NIBAN1: variants seen among roughly 807,000 people sequenced by gnomAD.
The protein encoded by NIBAN1 is niban apoptosis regulator 1.
NIBAN1 carries 81 observed loss-of-function variants against 75.1 expected under a neutral mutation model. That is an observed-to-expected ratio of 1.08 (90% confidence interval 0.90 to 1.30). The LOEUF (loss-of-function observed/expected upper bound fraction) is 1.30, where lower values mean the gene tolerates loss of function less well. Among genes scored for constraint, NIBAN1 ranks in the 50% most tolerant of loss-of-function variants. The pLI is 0.00. For missense variants in NIBAN1, 1,133 were observed against 1,128.1 expected, an observed-to-expected ratio of 1.00 and a Z score of -0.06; for synonymous variants, 436 against 424.8, an observed-to-expected ratio of 1.03 and a Z score of -0.32.
intron 5 of NIBAN1, among the ~76,000 whole-genome samples, chr1:184,861,697 GA>G (rs1655820115): frequency 2.1e-5 from 3 of 144,720 alleles, no homozygotes; most frequent in African/African-American, 7.7e-5. Flanking sequence ...GTGAGGGAAG[GA>G]AAGAAGGAAG....
At chr1:184,904,814 G>T (rs1354770650) in intron 1 of NIBAN1, among the ~76,000 whole-genome samples, 1 of 152,122 alleles carries the variant, frequency 6.6e-6, no homozygotes, top group Non-Finnish European at 1.5e-5. Context: ...AGCCGGGTGT[G>T]GTGGTGCACA....
chr1:184,867,856 A>G (rs904484469), intron 5 of NIBAN1: 2 of 985,202 alleles, frequency 2.0e-6, no homozygotes, highest in African/African-American at 3.5e-5. Context: ...GACACAGTAG[A>G]CCCTTACCTT....
At chr1:184,884,020 T>C (rs1264267583) in intron 5 of NIBAN1, among the ~76,000 whole-genome samples, 1 of 152,118 alleles carries the variant, frequency 6.6e-6, no homozygotes, top group Non-Finnish European at 1.5e-5. Context: ...ATATGCAAAA[T>C]GGTCTACATG....
intron 1 of NIBAN1, among the ~76,000 whole-genome samples, chr1:184,961,694 CA>C (rs756025988): frequency 1.3e-5 from 2 of 152,136 alleles, no homozygotes; most frequent in Non-Finnish European, 2.9e-5. Context: ...TTGGTCTAAC[CA>C]AATCATGATA....
chr1:184,947,629 C>T (rs1230933507), intron 1 of NIBAN1, among the ~76,000 whole-genome samples: 1 of 152,176 alleles, frequency 6.6e-6, no homozygotes, highest in East Asian at 1.9e-4. Flanking sequence ...ATATTGAACC[C>T]CCCTTCCTAT....
chr1:184,890,126 G>A lies in NIBAN1; in HGVS notation c.415C>T (p.His139Tyr), dbSNP rs757209957. ...AACTCACCAAGAGGGTCTGGGAAAT[G>A]CCTGTCAGACAACAGATTATATTCA... Reference protein sequence around the residue: ...EDEYNLLSDRHFPDPLASSEK... With the variant: ...EDEYNLLSDRYFPDPLASSEK... The change falls in exon 4 of 14, where the codon CAT becomes TAT. Residue 139 changes from histidine (H) to tyrosine (Y), a missense_variant. Transcript: ENST00000367511. The A allele has an allele frequency of 1.9e-6, 3 of 1,613,490 alleles. No individual in the cohort carries two copies. Among genetic ancestry groups the A allele is most frequent in the Non-Finnish European group, 1.7e-6 (2 of 1,179,522 alleles).
intron 1 of NIBAN1, among the ~76,000 whole-genome samples, chr1:184,909,933 C>T (rs1436625941): frequency 6.6e-6 from 1 of 152,082 alleles, no homozygotes; most frequent in Admixed American, 6.6e-5. Context: ...TGAAAAATTA[C>T]CCCCAAAGCT....
chr1:184,947,631 C>G (rs942229679), intron 1 of NIBAN1, among the ~76,000 whole-genome samples: 6 of 152,162 alleles, frequency 3.9e-5, no homozygotes, highest in African/African-American at 1.4e-4. Flanking sequence ...ATTGAACCCC[C>G]CTTCCTATAC....
chr1:184,830,591 C>A (rs1441303584), intron 6 of NIBAN1, among the ~76,000 whole-genome samples: 1 of 152,124 alleles, frequency 6.6e-6, no homozygotes, highest in Non-Finnish European at 1.5e-5. Flanking sequence ...GAGTTTTCAG[C>A]ATTAGCTGTT....
chr1:184,819,045 C>T (rs1654620619), intron 8 of NIBAN1, among the ~76,000 whole-genome samples: 1 of 152,156 alleles, frequency 6.6e-6, no homozygotes, highest in African/African-American at 2.4e-5. Context: ...ATCCACTCCC[C>T]AAGCTTTCCT....
chr1:184,795,158 C>G lies in NIBAN1; in HGVS notation c.2606G>C (p.Ser869Thr). The G allele has an allele frequency of 6.2e-7, 1 of 1,614,212 alleles. No individual in the cohort carries two copies. The highest frequency in any genetic ancestry group is 8.5e-7 in the Non-Finnish European group (1 of 1,180,060). The change falls in exon 14 of 14, where the codon AGC becomes ACC. Residue 869 changes from serine (S) to threonine (T), a missense_variant. Ser to Thr is a moderately conservative substitution (Grantham distance 58). Transcript: ENST00000367511. Reference protein sequence around the residue: ...SEEQEEMGGQSSAAQATASVN... With the variant: ...SEEQEEMGGQTSAAQATASVN... ...ACTGGCCGTGGCCTGGGCCGCGCTGCTTTGCCCTCCCATCTCTTCTTGTTC... is the reference window on the plus strand; with the variant it reads ...ACTGGCCGTGGCCTGGGCCGCGCTGGTTTGCCCTCCCATCTCTTCTTGTTC...
At chr1:184,967,219 CTGTGTG>C (rs761768686) in intron 1 of NIBAN1, among the ~76,000 whole-genome samples, 1 of 151,140 alleles carries the variant, frequency 6.6e-6, no homozygotes, top group African/African-American at 2.4e-5. Flanking sequence ...CTCTCTCTCT[CTGTGTG>C]TGTGTGTGTG....
intron 5 of NIBAN1, among the ~76,000 whole-genome samples, chr1:184,844,289 G>A (rs1655375104): frequency 6.6e-6 from 1 of 152,180 alleles, no homozygotes; most frequent in Admixed American, 6.5e-5. Flanking sequence ...AGCTTTACAT[G>A]AGAGAACAAA....
At chr1:184,881,626 A>G (rs1400938102) in intron 5 of NIBAN1, among the ~76,000 whole-genome samples, 4 of 152,228 alleles carry the variant, frequency 2.6e-5, no homozygotes, top group Non-Finnish European at 5.9e-5. Context: ...CCATAGACAG[A>G]GCAGCCCAGA....
At chr1:184,945,254 A>G (rs1458477036) in intron 1 of NIBAN1, among the ~76,000 whole-genome samples, 8 of 152,252 alleles carry the variant, frequency 5.3e-5, no homozygotes, top group Admixed American at 5.2e-4. Context: ...CAGCTAGTGA[A>G]GTGAAATAAT....
At chr1:184,854,263 G>C (rs972504172) in intron 5 of NIBAN1, among the ~76,000 whole-genome samples, 1 of 152,112 alleles carries the variant, frequency 6.6e-6, no homozygotes, top group African/African-American at 2.4e-5. Context: ...GGCAGAGGAG[G>C]AGGCAATGAA....
chr1:184,861,944 G>C (rs1655828391), intron 5 of NIBAN1, among the ~76,000 whole-genome samples: 2 of 152,196 alleles, frequency 1.3e-5, no homozygotes, highest in African/African-American at 4.8e-5. Context: ...TGTCAGCTAG[G>C]GACTAAGGCA....
chr1:184,881,312 T>C (rs1331776902), intron 5 of NIBAN1, among the ~76,000 whole-genome samples: 1 of 152,006 alleles, frequency 6.6e-6, no homozygotes, highest in Non-Finnish European at 1.5e-5. Context: ...GCCCACCCTA[T>C]AAGGAAAAGC....
chr1:184,856,313 A>G lies in NIBAN1; in HGVS notation c.602-24351T>C, dbSNP rs558496870. 2.6e-5 allele frequency among the ~76,000 whole-genome samples: 4 copies of G among 152,184 alleles called. No homozygotes were observed. In the South Asian group the frequency reaches 8.3e-4, roughly 31 times the overall value. ...AAAAATGACCCAGTTTTCATTTTGTAAAATGGCAATCTTATTCATATGGGT... is the reference window on the plus strand; with the variant it reads ...AAAAATGACCCAGTTTTCATTTTGTGAAATGGCAATCTTATTCATATGGGT... On this transcript the variant is annotated intron_variant, in intron 5 of 13. Transcript: ENST00000367511.
Sources: gnomAD v4.1 joint callset for allele counts (sites outside exome capture counted in the v4.1 genomes callset) on GRCh38, gnomAD v4.1.1 for gene constraint, MANE v1.5 for transcripts, NCBI Gene and HGNC (gene_info 2026-07-23, HGNC 2026-07-21) for gene names.